Variants in JMJD1C observed in about 807,000 individuals in gnomAD.
JMJD1C encodes jumonji domain containing 1C.
JMJD1C carries 31 observed loss-of-function variants against 245.3 expected under a neutral mutation model. That is an observed-to-expected ratio of 0.13 (90% confidence interval 0.09 to 0.17). The LOEUF is 0.17. JMJD1C is among the 10% of genes least tolerant of loss of function. The pLI, the probability that JMJD1C is intolerant of heterozygous loss-of-function variation, is 1.00. For missense variants in JMJD1C, 2,691 were observed against 3,000.2 expected, an observed-to-expected ratio of 0.90 and a Z score of 2.41; for synonymous variants, 1,057 against 1,017.4, an observed-to-expected ratio of 1.04 and a Z score of -0.74.
chr10:63,455,873 T>C (rs953340414), intron 1 of JMJD1C, among the ~76,000 whole-genome samples: 1 of 152,048 alleles, frequency 6.6e-6, no homozygotes, highest in Non-Finnish European at 1.5e-5. Context: ...ACACTGAAAA[T>C]AAATGATATT....
intron 3 of JMJD1C, among the ~76,000 whole-genome samples, chr10:63,256,116 C>G (rs1205613952): frequency 6.6e-6 from 1 of 152,128 alleles, no homozygotes; most frequent in Non-Finnish European, 1.5e-5. Flanking sequence ...ATGATCACAG[C>G]AGATTTGGGA....
At chr10:63,238,729 G>A (rs1851095367) in intron 3 of JMJD1C, among the ~76,000 whole-genome samples, 1 of 152,146 alleles carries the variant, frequency 6.6e-6, no homozygotes, top group Admixed American at 6.5e-5. Flanking sequence ...CTATGGTAAG[G>A]GAAACTAGAT....
intron 2 of JMJD1C, among the ~76,000 whole-genome samples, chr10:63,295,314 T>TGG (rs1859248483): frequency 6.6e-6 from 1 of 151,426 alleles, no homozygotes; most frequent in Non-Finnish European, 1.5e-5. Flanking sequence ...GGTTCTGAAC[T>TGG]CCTGGCCTGA....
chr10:63,396,288 T>C (rs946766895), intron 1 of JMJD1C, among the ~76,000 whole-genome samples: 7 of 152,140 alleles, frequency 4.6e-5, no homozygotes, highest in Non-Finnish European at 1.0e-4. Context: ...AGAGGCTATA[T>C]CCTAACACAC....
At chr10:63,339,139 T>C (rs1300021777) in intron 2 of JMJD1C, among the ~76,000 whole-genome samples, 2 of 152,170 alleles carry the variant, frequency 1.3e-5, no homozygotes, top group Non-Finnish European at 2.9e-5. Flanking sequence ...CTAACAGATC[T>C]AGCCAGCCCA....
intron 17 of JMJD1C, among the ~76,000 whole-genome samples, chr10:63,190,019 T>C (rs1844585721): frequency 6.6e-6 from 1 of 150,790 alleles, no homozygotes; most frequent in South Asian, 2.1e-4. Flanking sequence ...GACTCCCAAA[T>C]AGTTGAGATT....
rs768599877 is a variant in JMJD1C at position 63,215,666 on chromosome 10, T to A, written c.709A>T (p.Met237Leu). The change falls in exon 6 of 26, where the codon ATG becomes TTG. Residue 237 changes from methionine to leucine, a missense_variant. Coordinates refer to ENST00000399262, the MANE Select transcript of JMJD1C (RefSeq NM_032776.3). Reference protein sequence around the residue: ...VLEPQNVDPSMVQMTFLDDVV... With the variant: ...VLEPQNVDPSLVQMTFLDDVV... The stretch of plus-strand genomic sequence containing the variant: ...TCATCTAGAAAGGTCATTTGAACCA[T>A]AGAAGGATCGACATTCTGTGGTTCT... 7 of 1,596,370 alleles carry A rather than the reference T, an allele frequency of 4.4e-6. No homozygotes were observed. In the South Asian group the frequency reaches 7.8e-5, roughly 18 times the overall value.
At chr10:63,375,180 TG>T (rs1946625167) in intron 2 of JMJD1C, among the ~76,000 whole-genome samples, 2 of 125,482 alleles carry the variant, frequency 1.6e-5, no homozygotes, top group Admixed American at 1.8e-4. Context: ...ACATAAAAAT[TG>T]GCTTTTTTTT....
At chr10:63,359,573 A>G (rs1188116899) in intron 2 of JMJD1C, among the ~76,000 whole-genome samples, 1 of 152,216 alleles carries the variant, frequency 6.6e-6, no homozygotes, top group Non-Finnish European at 1.5e-5. Flanking sequence ...TAAAAAATTG[A>G]ATTTTAATGA....
intron 3 of JMJD1C, among the ~76,000 whole-genome samples, chr10:63,248,859 T>C (rs1169621669): frequency 6.6e-6 from 1 of 152,156 alleles, no homozygotes. Context: ...ATATAGGAAA[T>C]GTGGTATACG....
intron 1 of JMJD1C, among the ~76,000 whole-genome samples, chr10:63,405,617 C>T (rs745649742): frequency 1.3e-5 from 2 of 152,188 alleles, no homozygotes; most frequent in Non-Finnish European, 2.9e-5. Context: ...GCCACAGCGC[C>T]CAGCCCCACA....
chr10:63,251,086 A>G (rs948669222), intron 3 of JMJD1C, among the ~76,000 whole-genome samples: 1 of 152,162 alleles, frequency 6.6e-6, no homozygotes, highest in African/African-American at 2.4e-5. Context: ...GCGTTTTTCA[A>G]GTCCACATAC....
chr10:63,386,669 G>A (rs79913842), intron 1 of JMJD1C, among the ~76,000 whole-genome samples: 5,639 of 152,276 alleles, frequency 0.037, 330 homozygotes, highest in East Asian at 0.29. Context: ...AGCAGGCCTG[G>A]AGACTGATTT....
intron 2 of JMJD1C, among the ~76,000 whole-genome samples, chr10:63,277,485 T>A (rs942429212): frequency 6.6e-6 from 1 of 152,172 alleles, no homozygotes; most frequent in Non-Finnish European, 1.5e-5. Flanking sequence ...CCTTTATAGA[T>A]GGGTAAATTT....
intron 1 of JMJD1C, among the ~76,000 whole-genome samples, chr10:63,521,001 C>T (rs930196664): frequency 2.0e-5 from 3 of 152,242 alleles, no homozygotes; most frequent in Non-Finnish European, 2.9e-5. Context: ...AAACCAGGGC[C>T]TGGTCGAGAG....
chr10:63,463,406 A>G (rs1340553391), intron 1 of JMJD1C, among the ~76,000 whole-genome samples: 1 of 152,164 alleles, frequency 6.6e-6, no homozygotes, highest in Non-Finnish European at 1.5e-5. Flanking sequence ...GCGCTCAAGT[A>G]TCTTCCCATC....
chr10:63,187,567 A>G (rs1474704875), intron 18 of JMJD1C, among the ~76,000 whole-genome samples: 1 of 152,176 alleles, frequency 6.6e-6, no homozygotes, highest in Non-Finnish European at 1.5e-5. Flanking sequence ...CCTCCCAAGT[A>G]GCTGGGACTA....
intron 1 of JMJD1C, among the ~76,000 whole-genome samples, chr10:63,444,770 T>G (rs1248597612): frequency 2.0e-5 from 3 of 151,974 alleles, no homozygotes; most frequent in Non-Finnish European, 2.9e-5. Flanking sequence ...GCATTACAGG[T>G]GCCCACCACC....
At chr10:63,315,427 T>G (rs943453242) in intron 2 of JMJD1C, among the ~76,000 whole-genome samples, 10 of 152,222 alleles carry the variant, frequency 6.6e-5, no homozygotes, top group African/African-American at 2.2e-4. Context: ...ATTGTAACAT[T>G]CCTTCTGCCA....
Sources: allele counts gnomAD v4.1 joint callset (sites outside exome capture counted in the v4.1 genomes callset), GRCh38; gene constraint gnomAD v4.1.1; transcripts MANE v1.5; gene names NCBI Gene and HGNC (gene_info 2026-07-23, HGNC 2026-07-21).